The following PRTFDC1 variants were observed in gnomAD, a reference collection of about 807,000 sequenced individuals.
PRTFDC1 encodes phosphoribosyl transferase domain containing 1, also known as phosphoribosyltransferase domain-containing protein 1.
In PRTFDC1, 38 loss-of-function variants were observed where a neutral mutation model predicts 34.6. The ratio of observed to expected loss-of-function variants is 1.10; its 90% CI spans 0.85 to 1.44. PRTFDC1 has a LOEUF of 1.44. Among genes scored for constraint, PRTFDC1 ranks in the 40% most tolerant of loss-of-function variants. The pLI, the probability that PRTFDC1 is intolerant of heterozygous loss-of-function variation, is 0.00. For missense variants in PRTFDC1, 270 were observed against 283.0 expected (o/e 0.95, Z 0.33); for synonymous variants, 93 against 98.1 (o/e 0.95, Z 0.31).
intron 3 of PRTFDC1, among the ~76,000 whole-genome samples, chr10:24,889,667 C>T (rs189117913): frequency 3.9e-5 from 6 of 152,318 alleles, no homozygotes; most frequent in African/African-American, 1.2e-4. Context: ...TCAGACTTCT[C>T]CAGGTCTCAA....
At position 24,952,436 on chromosome 10, in the gene PRTFDC1, C is replaced by T. The variant is rs948283357; in HGVS notation, c.48+92G>A. On this transcript the variant is annotated intron_variant, in intron 1 of 8. Coordinates refer to ENST00000320152, the MANE Select transcript of PRTFDC1 (RefSeq NM_020200.7). This position sits in a 1 kb window ranked among gnomAD's most constrained non-coding sequence, Gnocchi z 5.1. ...AGAACAAAGCGGTGGCCCTCTCTCT[C>T]CCCCGACGCACGGCAAGCATTTAAT... 14 of 1,423,526 alleles carry T rather than the reference C, an allele frequency of 9.8e-6. No individual in the cohort carries two copies. The East Asian group carries it at 1.5e-4, about 15-fold the overall frequency. The allele number at this position is 1,423,526 out of a possible 1,614,324, so 88.2% of individuals were successfully genotyped here. A position where few individuals can be genotyped will look rare whatever the true frequency, so the allele number is the denominator to read the frequency against.
At chr10:24,931,719 A>G (rs1197725309) in intron 3 of PRTFDC1, among the ~76,000 whole-genome samples, 1 of 152,016 alleles carries the variant, frequency 6.6e-6, no homozygotes, top group Admixed American at 6.5e-5. Context: ...CTTAATTCCA[A>G]TTAAAAAAAT....
intron 1 of PRTFDC1, among the ~76,000 whole-genome samples, chr10:24,946,606 C>T (rs944221861): frequency 6.6e-6 from 1 of 152,140 alleles, no homozygotes; most frequent in South Asian, 2.1e-4. Context: ...ATTAAATTCT[C>T]TTAGTGTATT....
Position 24,903,367 on chromosome 10 carries a change from G to A in PRTFDC1, c.340-31304C>T, listed in dbSNP as rs1022500944. ...ATTGGTAATGTTCTATTTGTTAACT[G>A]GTAATGATTATACACAAGGTTGTTC... On this transcript the variant is annotated intron_variant, in intron 3 of 8. Coordinates refer to ENST00000320152, the MANE Select transcript of PRTFDC1 (RefSeq NM_020200.7). Among the ~76,000 whole-genome samples, 4 of 152,170 alleles carry A rather than the reference G, an allele frequency of 2.6e-5. No homozygotes were observed. In the East Asian group the frequency reaches 7.7e-4, roughly 29 times the overall value.
chr10:24,949,311 T>C (rs952199961), intron 1 of PRTFDC1, among the ~76,000 whole-genome samples: 5 of 152,180 alleles, frequency 3.3e-5, no homozygotes, highest in Admixed American at 6.5e-5. Flanking sequence ...CTCGAACTCC[T>C]GGGCTCAAGT....
At chr10:24,891,283 T>G (rs563155494) in intron 3 of PRTFDC1, among the ~76,000 whole-genome samples, 1 of 152,302 alleles carries the variant, frequency 6.6e-6, no homozygotes, top group South Asian at 2.1e-4. Context: ...TATCCTTACA[T>G]ATACAGGATA....
intron 3 of PRTFDC1, among the ~76,000 whole-genome samples, 167 bp downstream of exon 3, chr10:24,937,017 A>G (rs1385429658): frequency 6.6e-6 from 1 of 152,180 alleles, no homozygotes; most frequent in East Asian, 1.9e-4. Flanking sequence ...AAATAGTATC[A>G]TTTGAATTCT....
rs190582323 is a variant in PRTFDC1 at position 24,880,307 on chromosome 10, C to T, written c.340-8244G>A. ...TTGCACTATTGCCCAGGCTGGAGTG[C>T]AGTAGCGTGAACTCAGCTCACTGCA... On this transcript the variant is annotated intron_variant, in intron 3 of 8. Coordinates refer to ENST00000320152, the MANE Select transcript of PRTFDC1 (RefSeq NM_020200.7). Among the ~76,000 whole-genome samples, 10 of 149,748 alleles carry T rather than the reference C, an allele frequency of 6.7e-5. No individual in the cohort carries two copies. The Admixed American group carries it at 6.7e-4, about 10-fold the overall frequency.
At chr10:24,881,373 T>G (rs74640492) in intron 3 of PRTFDC1, among the ~76,000 whole-genome samples, 2,809 of 152,262 alleles carry the variant, frequency 0.018, 49 homozygotes, top group Non-Finnish European at 0.028. Flanking sequence ...TTTCTCTCAA[T>G]GGACAGCAGT....
chr10:24,907,943 C>T (rs1185902124), intron 3 of PRTFDC1, among the ~76,000 whole-genome samples: 1 of 152,092 alleles, frequency 6.6e-6, no homozygotes, highest in African/African-American at 2.4e-5. Flanking sequence ...TAGGGCTAGG[C>T]AACAAAATGG....
intron 3 of PRTFDC1, among the ~76,000 whole-genome samples, chr10:24,912,963 C>T (rs1312493144): frequency 6.6e-6 from 1 of 152,172 alleles, no homozygotes; most frequent in Non-Finnish European, 1.5e-5. Context: ...CGTCCCTTTA[C>T]TAAGTCAAAA....
Position 24,849,888 on chromosome 10 carries a change from T to G in PRTFDC1, c.634A>C (p.Ile212Leu). The G allele has an allele frequency of 6.2e-7, 1 of 1,614,000 alleles. No homozygotes were observed. Among genetic ancestry groups the G allele is most frequent in the Non-Finnish European group, 8.5e-7 (1 of 1,179,918 alleles). Residue 212 changes from isoleucine to leucine, a missense_variant, in exon 9 of 9, where the codon ATA becomes CTA. Transcript: ENST00000320152. ...TTACCGTGCTCATTGATGACGCATA[T>G]GTGCTGAAACAATAAAGGATTTAAA... ...YNEYFRDLNHICVINEHGKEK... is the reference protein window; with the variant it reads ...YNEYFRDLNHLCVINEHGKEK...
intron 3 of PRTFDC1, among the ~76,000 whole-genome samples, chr10:24,897,315 T>C (rs61854292): frequency 0.12 from 17,695 of 152,182 alleles, 1,271 homozygotes; most frequent in East Asian, 0.29. Context: ...TAAGTCTATC[T>C]CTAAGTCTAT....
intron 3 of PRTFDC1, among the ~76,000 whole-genome samples, chr10:24,897,570 T>G: frequency 6.6e-6 from 1 of 152,170 alleles, no homozygotes; most frequent in East Asian, 1.9e-4. Flanking sequence ...AGGGGAGTGA[T>G]AAGAGTGTCC....
chr10:24,948,784 C>A (rs1252074857), intron 1 of PRTFDC1, among the ~76,000 whole-genome samples: 1 of 152,162 alleles, frequency 6.6e-6, no homozygotes, highest in African/African-American at 2.4e-5. Context: ...GCTCCTTCAC[C>A]AGCCTTAGCT....
rs71399940 is a variant in PRTFDC1 at position 24,883,818 on chromosome 10, CTTT to C, written c.340-11758_340-11756del. Reference sequence around the variant, plus strand: ...TAGCGGTGATCATTTCTTAAGAGACCTTTTTTTTTTTTTTTTTTTTTTATAAGA... The same window carrying C: ...TAGCGGTGATCATTTCTTAAGAGACCTTTTTTTTTTTTTTTTTTTATAAGA... On this transcript the variant is annotated intron_variant, in intron 3 of 8. Coordinates refer to ENST00000320152, the MANE Select transcript of PRTFDC1 (RefSeq NM_020200.7). 1.2e-3 allele frequency among the ~76,000 whole-genome samples: 115 copies of C among 96,564 alleles called. 2 individuals carry two copies. The highest frequency in any genetic ancestry group is 4.0e-3 in the African/African-American group (103 of 25,900). The allele number at this position is 96,564 out of a possible 152,430, so 63.3% of individuals were successfully genotyped here. A position where few individuals can be genotyped will look rare whatever the true frequency, so the allele number is the denominator to read the frequency against.
At chr10:24,887,471 T>G (rs59594610) in intron 3 of PRTFDC1, among the ~76,000 whole-genome samples, 1 of 150,744 alleles carries the variant, frequency 6.6e-6, no homozygotes, top group African/African-American at 2.4e-5. Flanking sequence ...GCTTCCCCCC[T>G]CTCCCTTCGC....
chr10:24,917,330 G>A (rs949451310), intron 3 of PRTFDC1, among the ~76,000 whole-genome samples: 11 of 152,100 alleles, frequency 7.2e-5, no homozygotes, highest in African/African-American at 2.7e-4. Context: ...GTGTGGTGGG[G>A]GTAGGGATGG....
In PRTFDC1 at chr10:24,908,730, C is replaced by A. The variant is rs187565232; in HGVS notation, c.339+28454G>T. The A allele has an allele frequency of 3.8e-3, 5,784 of 1,528,740 alleles. 26 individuals are homozygous for A. Among genetic ancestry groups the A allele is most frequent in the Non-Finnish European group, 4.2e-3 (4,777 of 1,139,750 alleles). 94.7% of individuals were successfully genotyped at this position (1,528,740 alleles called of 1,614,324 possible). A position where few individuals can be genotyped will look rare whatever the true frequency, so the allele number is the denominator to read the frequency against. On this transcript the variant is annotated intron_variant, in intron 3 of 8. Transcript: ENST00000320152. ...GGAGCAGTGAGGGAGGAAGGAGACA[C>A]CTACCTAGCCAGCCCGATCAGCCTG...
Sources: allele counts gnomAD v4.1 joint callset (sites outside exome capture counted in the v4.1 genomes callset), GRCh38; gene constraint gnomAD v4.1.1; non-coding constraint Gnocchi (gnomAD v3.1); transcripts MANE v1.5; gene names NCBI Gene and HGNC (gene_info 2026-07-23, HGNC 2026-07-21).